The following NTPCR variants were observed in gnomAD, a reference collection of about 807,000 sequenced individuals.
NTPCR encodes the protein cancer-related nucleoside-triphosphatase.
A neutral mutation model predicts 19.5 loss-of-function variants in NTPCR; 15 were observed. That is an observed-to-expected ratio of 0.77 (90% CI 0.51 to 1.18). The LOEUF (loss-of-function observed/expected upper bound fraction) is 1.18. Ranked by LOEUF, NTPCR falls within the 50% of genes most tolerant of loss-of-function variation. NTPCR has a pLI of 0.00. For synonymous variants in NTPCR, 90 were observed against 95.8 expected (o/e 0.94, Z 0.36); for missense variants, 206 against 240.4 (o/e 0.86, Z 0.95).
At chr1:232,958,735 T>C (rs1383549475) in intron 3 of NTPCR, among the ~76,000 whole-genome samples, 1 of 152,208 alleles carries the variant, frequency 6.6e-6, no homozygotes, top group East Asian at 1.9e-4. Flanking sequence ...TTTTTAGCTG[T>C]TTTCCCGTCA....
intron 3 of NTPCR, among the ~76,000 whole-genome samples, chr1:232,959,093 G>T (rs568948791): frequency 6.6e-6 from 1 of 152,284 alleles, no homozygotes; most frequent in African/African-American, 2.4e-5. Context: ...GATTTGATAT[G>T]ATTTGGCTCT....
At chr1:232,975,502 C>T (rs1669101094) in intron 4 of NTPCR, among the ~76,000 whole-genome samples, 1 of 152,160 alleles carries the variant, frequency 6.6e-6, no homozygotes, top group African/African-American at 2.4e-5. Flanking sequence ...TCTTAGTATA[C>T]AACTATGTGC....
chr1:232,960,976 A>G (rs1211986902), intron 3 of NTPCR, among the ~76,000 whole-genome samples: 1 of 152,228 alleles, frequency 6.6e-6, no homozygotes, highest in East Asian at 1.9e-4. Flanking sequence ...CCCCTTTTGT[A>G]TACCTGGTTT....
chr1:232,974,525 T>TAA (rs200619670), intron 4 of NTPCR, among the ~76,000 whole-genome samples: 1 of 151,818 alleles, frequency 6.6e-6, no homozygotes, highest in African/African-American at 2.4e-5. Flanking sequence ...TCTGATGTGT[T>TAA]AAAAAAAATA....
chr1:232,956,526 T>TAAGAGCAAAAGGCATTC, intron 3 of NTPCR, 83 bp downstream of exon 3: 1 of 971,478 alleles, frequency 1.0e-6, no homozygotes, highest in Non-Finnish European at 1.6e-6. Context: ...AGAATGCCTT[T>TAAGAGCAAAAGGCATTC]TGCTCTTAAA....
chr1:232,964,373 G>A (rs1668756928), intron 3 of NTPCR: 1 of 152,132 alleles, frequency 6.6e-6, no homozygotes, highest in South Asian at 2.1e-4. Context: ...TTGATTACCT[G>A]ATCAAGGACT....
chr1:232,976,366 C>T (rs989066313), intron 4 of NTPCR: 1 of 1,546,908 alleles, frequency 6.5e-7, no homozygotes, highest in Admixed American at 2.0e-5. Flanking sequence ...CATAGAAGAC[C>T]AGAGCAAATT....
intron 1 of NTPCR, 58 bp from the exon 2 acceptor site, chr1:232,955,499 G>GT: frequency 7.0e-7 from 1 of 1,423,452 alleles, no homozygotes; most frequent in Non-Finnish European, 9.3e-7. Flanking sequence ...GTGTGCTCTA[G>GT]TAAGGGAATG....
chr1:232,958,088 G>C (rs768564653), intron 3 of NTPCR, among the ~76,000 whole-genome samples: 2 of 152,218 alleles, frequency 1.3e-5, no homozygotes, highest in African/African-American at 2.4e-5. Flanking sequence ...GCAGGGCTCT[G>C]TGGACCATGT....
intron 1 of NTPCR, among the ~76,000 whole-genome samples, chr1:232,954,517 A>G (rs1000742130): frequency 2.0e-5 from 3 of 152,290 alleles, no homozygotes; most frequent in South Asian, 4.1e-4. Context: ...TTAAATCCAT[A>G]TTGGGAACAA....
intron 3 of NTPCR, chr1:232,964,529 C>CT (rs1281318157): frequency 6.6e-6 from 1 of 152,182 alleles, no homozygotes; most frequent in Admixed American, 6.5e-5. Flanking sequence ...ATTAGATCAT[C>CT]TTAAGATAAA....
At position 232,981,658 on chromosome 1, in the gene NTPCR, T is replaced by C. The variant is rs1279997179; in HGVS notation, c.*3427T>C. On this transcript the variant is annotated 3_prime_UTR_variant, in exon 5 of 5. Coordinates refer to ENST00000366628, the MANE Select transcript of NTPCR (RefSeq NM_032324.3). ...ACATGATTTATATAAAACCAAGTGC[T>C]ATGGTTTTAATATTATCTTTAGAGG... is the stretch of plus-strand genomic sequence containing the variant. The C allele has an allele frequency of 6.6e-6, 1 of 152,094 alleles. No homozygotes were observed. Among genetic ancestry groups the C allele is most frequent in the Non-Finnish European group, 1.5e-5 (1 of 68,018 alleles). The allele number at this position is 152,094 out of a possible 1,614,324, so 9.4% of individuals were successfully genotyped here.
intron 3 of NTPCR, among the ~76,000 whole-genome samples, chr1:232,959,511 A>G (rs1668609430): frequency 6.6e-6 from 1 of 152,168 alleles, no homozygotes; most frequent in African/African-American, 2.4e-5. Context: ...CCCATCATAC[A>G]TATTTTATGG....
intron 4 of NTPCR, among the ~76,000 whole-genome samples, chr1:232,972,548 C>G (rs1306778427): frequency 6.6e-6 from 1 of 152,158 alleles, no homozygotes; most frequent in African/African-American, 2.4e-5. Flanking sequence ...ACCTCAGCCT[C>G]CCAAAAAGCT....
intron 1 of NTPCR, among the ~76,000 whole-genome samples, chr1:232,953,477 C>G (rs1188228981): frequency 6.6e-6 from 1 of 152,206 alleles, no homozygotes; most frequent in Non-Finnish European, 1.5e-5. Context: ...CTACTATGTT[C>G]TACACAACAT....
At chr1:232,972,312 T>G (rs574875441) in intron 4 of NTPCR, among the ~76,000 whole-genome samples, 144 of 152,338 alleles carry the variant, frequency 9.5e-4, no homozygotes, top group African/African-American at 3.2e-3. Flanking sequence ...TTTATTTAAC[T>G]TATTTTTTTG....
intron 2 of NTPCR, 80 bp from the exon 3 acceptor site, chr1:232,956,267 C>T: frequency 1.1e-6 from 1 of 931,076 alleles, no homozygotes; most frequent in Non-Finnish European, 1.7e-6. Flanking sequence ...TGTGGAATGC[C>T]AGAGGCTCAG....
intron 4 of NTPCR, among the ~76,000 whole-genome samples, chr1:232,974,504 C>T (rs1444019374): frequency 3.3e-5 from 5 of 151,892 alleles, no homozygotes; most frequent in South Asian, 2.1e-4. Flanking sequence ...TGAGGCAAAA[C>T]GATAACATTC....
chr1:232,958,122 T>C (rs1263441029), intron 3 of NTPCR, among the ~76,000 whole-genome samples: 3 of 152,214 alleles, frequency 2.0e-5, no homozygotes, highest in African/African-American at 7.2e-5. Context: ...TGTCATTTAA[T>C]CTATTACAGA....
Sources: gnomAD v4.1 joint callset for allele counts (sites outside exome capture counted in the v4.1 genomes callset) on GRCh38, gnomAD v4.1.1 for gene constraint, MANE v1.5 for transcripts, NCBI Gene and HGNC (gene_info 2026-07-23, HGNC 2026-07-21) for gene names.